Variants in FRMD4A observed in about 807,000 individuals in gnomAD.
The protein encoded by FRMD4A is FERM domain containing 4A, also known as FERM domain-containing protein 4A.
A neutral mutation model predicts 129.1 loss-of-function variants in FRMD4A; 29 were observed. The observed-to-expected ratio is 0.22, with a 90% CI of 0.17 to 0.31. The LOEUF is 0.31. FRMD4A is among the 10% of genes least tolerant of loss of function. The probability of loss-of-function intolerance (pLI) is 1.00; values close to 1 mark genes in which losing one functional copy is unlikely to be tolerated. For missense variants in FRMD4A, 1,272 were observed against 1,375.8 expected (o/e 0.92, Z 1.19); for synonymous variants, 634 against 571.6 (o/e 1.11, Z -1.56).
At chr10:13,695,274 G>A (rs888904683) in intron 14 of FRMD4A, among the ~76,000 whole-genome samples, 1 of 151,986 alleles carries the variant, frequency 6.6e-6, no homozygotes, top group African/African-American at 2.4e-5. Context: ...CTGAGTAGTG[G>A]GGATTACAGG....
chr10:14,263,823 C>T (rs1405448997), intron 2 of FRMD4A, among the ~76,000 whole-genome samples: 1 of 152,082 alleles, frequency 6.6e-6, no homozygotes, highest in Non-Finnish European at 1.5e-5. Context: ...CAAAGGCAAA[C>T]CCAATTGAGG....
intron 2 of FRMD4A, among the ~76,000 whole-genome samples, chr10:13,923,677 T>C (rs2095098811): frequency 6.6e-6 from 1 of 152,226 alleles, no homozygotes; most frequent in Admixed American, 6.5e-5. Context: ...TCAGACTTTT[T>C]TTTAAAACCT....
intron 2 of FRMD4A, among the ~76,000 whole-genome samples, chr10:14,290,620 T>C (rs1399267472): frequency 1.3e-5 from 2 of 151,970 alleles, no homozygotes; most frequent in Non-Finnish European, 2.9e-5. Flanking sequence ...GACCTAGAAC[T>C]ATAAAACTTC....
chr10:13,971,764 C>T (rs202061713), intron 2 of FRMD4A: 16 of 1,304,452 alleles, frequency 1.2e-5, no homozygotes, highest in South Asian at 6.2e-5. Context: ...TCCAACTCCA[C>T]GGTGGGTCCT....
chr10:13,868,763 C>A (rs1357560065), intron 2 of FRMD4A, among the ~76,000 whole-genome samples: 1 of 152,078 alleles, frequency 6.6e-6, no homozygotes, highest in African/African-American at 2.4e-5. Context: ...CAGGCCACTG[C>A]ACTCCCGCCT....
rs1241604756 is a variant in FRMD4A, at chr10:13,666,249, C to A, written c.1451G>T (p.Ser484Ile). 6.2e-7 allele frequency: 1 copy of A among 1,614,074 alleles called. No individual in the cohort carries two copies. The highest frequency in any genetic ancestry group is 1.7e-5 in the Admixed American group (1 of 60,004). The stretch of plus-strand genomic sequence containing the variant: ...CAGTTTTTTGCTGACGTTGGGGTCA[C>A]TGGCTAGGCGGCGGGCGGCCTCCGT... ...QITEAARRLA[S>I]DPNVSKKLKK... is the part of the protein sequence containing the mutation. Residue 484 changes from serine to isoleucine, a missense_variant, in exon 18 of 25, where the codon AGT (serine) becomes ATT (isoleucine). Ser to Ile is a moderately radical substitution (Grantham distance 142, BLOSUM62 -2). This residue lies in a region of FRMD4A where 972 missense variants were observed against 892.3 expected (regional missense o/e 1.09). Coordinates refer to ENST00000357447, the MANE Select transcript of FRMD4A (RefSeq NM_018027.5).
rs60196881 is a variant in FRMD4A, at chr10:14,184,298, A to ATTT, written c.45+145757_45+145759dup. ...AGGTGCATACCACCACAACCGGTTA[A>ATTT]TTTTTTTTTTTTTTTTAGTAGAGAT... On this transcript the variant is annotated intron_variant, in intron 2 of 24. Coordinates refer to ENST00000357447, the MANE Select transcript of FRMD4A (RefSeq NM_018027.5). Among the ~76,000 whole-genome samples the ATTT allele has an allele frequency of 9.5e-5, 10 of 104,898 alleles. 1 individual carries two copies. The highest frequency in any genetic ancestry group is 3.3e-4 in the Admixed American group (3 of 9,052). The allele number at this position is 104,898 out of a possible 152,430, so 68.8% of individuals were successfully genotyped here. A position where few individuals can be genotyped will look rare whatever the true frequency, so the allele number is the denominator to read the frequency against.
intron 2 of FRMD4A, among the ~76,000 whole-genome samples, chr10:14,131,203 G>A (rs1839229901): frequency 6.6e-6 from 1 of 152,152 alleles, no homozygotes; most frequent in Non-Finnish European, 1.5e-5. Flanking sequence ...GAAGCACAGA[G>A]TTCACAAATC....
intron 2 of FRMD4A, among the ~76,000 whole-genome samples, chr10:14,242,947 G>A (rs1266307452): frequency 1.3e-5 from 2 of 152,184 alleles, no homozygotes; most frequent in African/African-American, 4.8e-5. Context: ...CATGCTCATG[G>A]AAGCATTATT....
chr10:13,650,844 C>A (rs535816340), intron 24 of FRMD4A, among the ~76,000 whole-genome samples: 1 of 152,332 alleles, frequency 6.6e-6, no homozygotes, highest in South Asian at 2.1e-4. Flanking sequence ...TCTAAGCCCC[C>A]TCCTCCCACG....
At position 13,679,426 on chromosome 10, in the gene FRMD4A, C is replaced by CAA. The variant is rs1184269199; in HGVS notation, c.1118-4384_1118-4383dup. 1.7e-3 allele frequency among the ~76,000 whole-genome samples: 15 copies of CAA among 8,602 alleles called. 4 individuals carry two copies. Among genetic ancestry groups the CAA allele is most frequent in the Non-Finnish European group, 2.6e-3 (13 of 5,056 alleles). The allele number at this position is 8,602 out of a possible 152,430, so 5.6% of individuals were successfully genotyped here. ...TGGGTGACAGAGTGAGACTCTGTCT[C>CAA]AAAAAAAAAAAAAAAAAAAAAAAAA... is the stretch of plus-strand genomic sequence containing the variant. On this transcript the variant is annotated intron_variant, in intron 15 of 24. Coordinates refer to ENST00000357447, the MANE Select transcript of FRMD4A (RefSeq NM_018027.5).
intron 2 of FRMD4A, among the ~76,000 whole-genome samples, chr10:14,162,641 G>GTTTTTTTTTTTTTTTTT (rs71388160): frequency 4.2e-5 from 5 of 118,392 alleles, no homozygotes; most frequent in Non-Finnish European, 6.8e-5. Flanking sequence ...TTTTTTTTTT[G>GTTTTTTTTTTTTTTTTT]TTTTTTTTTT....
chr10:13,832,161 G>A (rs2130942724), intron 3 of FRMD4A, among the ~76,000 whole-genome samples: 1 of 151,982 alleles, frequency 6.6e-6, no homozygotes, highest in African/African-American at 2.4e-5. Context: ...CAGCTCACCG[G>A]GGGTGAACTC....
At chr10:14,323,588 C>T (rs201235677) in intron 2 of FRMD4A, among the ~76,000 whole-genome samples, 1 of 102 alleles carries the variant, frequency 9.8e-3, no homozygotes, top group African/African-American at 0.031. Flanking sequence ...ATCCTTTTTG[C>T]CCTTCCTAGC....
At chr10:14,007,735 G>A (rs1429038217) in intron 2 of FRMD4A, among the ~76,000 whole-genome samples, 2 of 152,084 alleles carry the variant, frequency 1.3e-5, no homozygotes, top group Non-Finnish European at 2.9e-5. Flanking sequence ...CATTTTCACA[G>A]CCCCCATGCA....
At chr10:14,066,300 C>T (rs532771283) in intron 2 of FRMD4A, among the ~76,000 whole-genome samples, 1 of 151,488 alleles carries the variant, frequency 6.6e-6, no homozygotes, top group Admixed American at 6.6e-5. Context: ...CTGACAACTT[C>T]CTCTTGGTGG....
At chr10:14,135,734 T>C (rs1839499080) in intron 2 of FRMD4A, among the ~76,000 whole-genome samples, 2 of 152,232 alleles carry the variant, frequency 1.3e-5, no homozygotes, top group Middle Eastern at 3.4e-3. Flanking sequence ...TCTATGAAAA[T>C]ATTTATCAAA....
At chr10:14,254,992 G>A (rs888377792) in intron 2 of FRMD4A, among the ~76,000 whole-genome samples, 1 of 152,094 alleles carries the variant, frequency 6.6e-6, no homozygotes, top group Non-Finnish European at 1.5e-5. Context: ...TTCCTATTAA[G>A]AATGGCATCT....
In FRMD4A at chr10:13,660,526, G is replaced by T. The variant is rs768699861; in HGVS notation, c.1688C>A (p.Ser563Tyr). 12 of 1,611,154 alleles carry T rather than the reference G, an allele frequency of 7.4e-6. No individual in the cohort carries two copies. Among genetic ancestry groups the T allele is most frequent in the South Asian group, 2.2e-5 (2 of 90,894 alleles). Residue 563 changes from serine to tyrosine, a missense_variant, in exon 20 of 25, where the codon TCC (serine) becomes TAC (tyrosine). By Grantham distance (144) the Ser-to-Tyr change is moderately radical. Transcript: ENST00000357447. Reference protein sequence around the residue: ...DEDSQVTSTISPLHSPHKGLP... With the variant: ...DEDSQVTSTIYPLHSPHKGLP... ...TCCCTTGTGAGGAGAATGTAGGGGG[G>T]ATATTGTGCTGGTAACCTGAGAGTC... is the stretch of plus-strand genomic sequence containing the variant.
Sources: allele counts gnomAD v4.1 joint callset (sites outside exome capture counted in the v4.1 genomes callset), GRCh38; gene constraint gnomAD v4.1.1; regional missense constraint gnomAD v4.1.1; transcripts MANE v1.5; gene names NCBI Gene and HGNC (gene_info 2026-07-23, HGNC 2026-07-21).